TUSC3: variants seen among roughly 807,000 people sequenced by gnomAD.
The protein encoded by TUSC3 is tumor suppressor candidate 3.
A neutral mutation model predicts 44.8 loss-of-function variants in TUSC3; 45 were observed. The ratio of observed to expected loss-of-function variants is 1.00; its 90% CI spans 0.79 to 1.29. The LOEUF is 1.29. Ranked by LOEUF, TUSC3 falls within the 50% of genes most tolerant of loss-of-function variation. TUSC3 has a pLI of 0.00. For missense variants in TUSC3, 519 were observed against 437.9 expected (o/e 1.19, Z -1.65); for synonymous variants, 212 against 152.9 (o/e 1.39, Z -2.85).
the TUSC3 span, among the ~76,000 whole-genome samples, chr8:15,822,784 T>C: frequency 6.6e-6 from 1 of 152,146 alleles, no homozygotes; most frequent in African/African-American, 2.4e-5. Flanking sequence ...CTGCTGCTGA[T>C]AGGTCAAGTG....
chr8:15,758,013 A>G (rs1233490053), intron 10 of TUSC3, 158 bp downstream of exon 10: 1 of 1,431,056 alleles, frequency 7.0e-7, no homozygotes, highest in Non-Finnish European at 9.1e-7. Context: ...TTACATTATT[A>G]TGTTTATCTG....
At chr8:15,662,738 G>A (rs1027670156) in intron 5 of TUSC3, among the ~76,000 whole-genome samples, 3 of 151,914 alleles carry the variant, frequency 2.0e-5, no homozygotes, top group African/African-American at 7.2e-5. Context: ...CACTCTGCCT[G>A]TGAGAAATGC....
At chr8:15,571,019 T>C (rs946287853) in intron 1 of TUSC3, among the ~76,000 whole-genome samples, 16 of 135,088 alleles carry the variant, frequency 1.2e-4, no homozygotes, top group Admixed American at 1.1e-3. Context: ...TGCAGTGATA[T>C]GATCTTGGCT....
chr8:15,839,672 A>G, the TUSC3 span, among the ~76,000 whole-genome samples: 1 of 152,218 alleles, frequency 6.6e-6, no homozygotes, highest in Admixed American at 6.5e-5. Flanking sequence ...CAAAACCACA[A>G]TGAGATACCA....
chr8:15,556,608 A>G (rs1293835168), intron 1 of TUSC3, among the ~76,000 whole-genome samples: 5 of 146,762 alleles, frequency 3.4e-5, no homozygotes, highest in African/African-American at 1.2e-4. Context: ...GAACTAGTTT[A>G]CAGTCCCACC....
chr8:15,586,587 G>A (rs950831877), intron 1 of TUSC3, among the ~76,000 whole-genome samples: 1 of 152,132 alleles, frequency 6.6e-6, no homozygotes, highest in Non-Finnish European at 1.5e-5. Flanking sequence ...GATCAGGAGC[G>A]CTAGAGGTAA....
At chr8:15,813,373 G>GAAAA in the TUSC3 span, among the ~76,000 whole-genome samples, 131 of 68,788 alleles carry the variant, frequency 1.9e-3, 1 homozygote, top group South Asian at 0.067. Flanking sequence ...TAGCATTTCT[G>GAAAA]AAACAAACAA....
At chr8:15,549,268 G>A (rs1315374978) in intron 1 of TUSC3, among the ~76,000 whole-genome samples, 3 of 151,704 alleles carry the variant, frequency 2.0e-5, no homozygotes, top group Non-Finnish European at 4.4e-5. Context: ...CTGCCTCCCG[G>A]ATTCAAGTGA....
At chr8:15,792,785 A>T in the TUSC3 span, among the ~76,000 whole-genome samples, 2 of 151,778 alleles carry the variant, frequency 1.3e-5, no homozygotes, top group African/African-American at 4.8e-5. Flanking sequence ...CAACCAGGTA[A>T]TTTTTGTAGT....
At chr8:15,763,360 T>C (rs1221250907) in intron 10 of TUSC3, among the ~76,000 whole-genome samples, 5 of 151,782 alleles carry the variant, frequency 3.3e-5, no homozygotes, top group African/African-American at 1.2e-4. Context: ...TTACCTACTT[T>C]GGACATTTTT....
chr8:15,807,127 A>G, the TUSC3 span: 5 of 1,053,030 alleles, frequency 4.7e-6, no homozygotes, highest in Non-Finnish European at 7.3e-6. Flanking sequence ...AAGAATGACC[A>G]CCTTTCAAGT....
intron 5 of TUSC3, among the ~76,000 whole-genome samples, chr8:15,666,227 T>TA (rs1807654906): frequency 6.6e-6 from 1 of 151,468 alleles, no homozygotes; most frequent in Non-Finnish European, 1.5e-5. Context: ...ATTAGTAGGA[T>TA]AAGCAATAAC....
chr8:15,437,709 C>T (rs1799966999), intron 1 of TUSC3, among the ~76,000 whole-genome samples: 1 of 152,208 alleles, frequency 6.6e-6, no homozygotes, highest in South Asian at 2.1e-4. Context: ...CTGTATCCTT[C>T]CAGCTGCACC....
At chr8:15,824,024 AATTT>A in the TUSC3 span, among the ~76,000 whole-genome samples, 1 of 152,198 alleles carries the variant, frequency 6.6e-6, no homozygotes, top group African/African-American at 2.4e-5. Context: ...GTTCTCAAAA[AATTT>A]TTTAAATTTT....
In TUSC3 at chr8:15,567,561, A is replaced by C. The variant is rs17657865; in HGVS notation, c.138+26993A>C. 3.3e-3 allele frequency among the ~76,000 whole-genome samples: 498 copies of C among 152,262 alleles called. 7 individuals carry two copies. The East Asian group carries it at 0.035, about 11-fold the overall frequency. On this transcript the variant is annotated intron_variant, in intron 1 of 10. Coordinates refer to ENST00000503731, the MANE Select transcript of TUSC3 (RefSeq NM_006765.4). ...CAATTGTCAATGGCTTTGCATATAAACCTGAGTAGCTCTCTTGTATCGCTT... is the reference window on the plus strand; with the variant it reads ...CAATTGTCAATGGCTTTGCATATAACCCTGAGTAGCTCTCTTGTATCGCTT...
chr8:15,599,708 T>G (rs891696576), intron 1 of TUSC3, among the ~76,000 whole-genome samples: 6 of 151,106 alleles, frequency 4.0e-5, no homozygotes, highest in African/African-American at 1.5e-4. Flanking sequence ...GTGGTTTTTT[T>G]TTTTTTTTGT....
At chr8:15,825,691 C>T in the TUSC3 span, among the ~76,000 whole-genome samples, 1 of 152,048 alleles carries the variant, frequency 6.6e-6, no homozygotes, top group African/African-American at 2.4e-5. Context: ...AAATAAGTGC[C>T]TTGAAGTGTT....
At chr8:15,525,918 A>G (rs1005006395) in intron 2 of TUSC3, among the ~76,000 whole-genome samples, 1 of 152,212 alleles carries the variant, frequency 6.6e-6, no homozygotes, top group African/African-American at 2.4e-5. Flanking sequence ...CTGGGAAGAC[A>G]AAAACTGGGA....
chr8:15,817,848 T>C, the TUSC3 span, among the ~76,000 whole-genome samples: 4 of 152,246 alleles, frequency 2.6e-5, no homozygotes, highest in Admixed American at 2.6e-4. Flanking sequence ...ACGATATGCT[T>C]CTAAGGAACT....
Sources: allele counts gnomAD v4.1 joint callset (sites outside exome capture counted in the v4.1 genomes callset), GRCh38; gene constraint gnomAD v4.1.1; transcripts MANE v1.5; gene names NCBI Gene and HGNC (gene_info 2026-07-23, HGNC 2026-07-21).